ERBB4: variants seen among roughly 807,000 people sequenced by gnomAD.
ERBB4 encodes the protein erb-b2 receptor tyrosine kinase 4.
ERBB4 carries 42 observed loss-of-function variants against 158.0 expected under a neutral mutation model. That is an observed-to-expected ratio of 0.27 (90% CI 0.21 to 0.34). The LOEUF is 0.34. Ranked by LOEUF, ERBB4 falls within the 10% of genes least tolerant of loss-of-function variation. The pLI is 1.00. For missense variants in ERBB4, 1,333 were observed against 1,624.1 expected (o/e 0.82, Z 3.08); for synonymous variants, 583 against 558.7 (o/e 1.04, Z -0.61).
chr2:211,575,493 T>C (rs1216839850), intron 19 of ERBB4, among the ~76,000 whole-genome samples: 1 of 152,212 alleles, frequency 6.6e-6, no homozygotes, highest in East Asian at 1.9e-4. Flanking sequence ...TAGAACAGAC[T>C]TTAGTAAATT....
intron 20 of ERBB4, among the ~76,000 whole-genome samples, chr2:211,560,907 A>C (rs1208538208): frequency 5.9e-5 from 9 of 152,148 alleles, no homozygotes. Flanking sequence ...TTATTACATT[A>C]TTTAAAAAAG....
chr2:212,001,365 A>C (rs1212386199), intron 2 of ERBB4, among the ~76,000 whole-genome samples: 1 of 152,120 alleles, frequency 6.6e-6, no homozygotes, highest in Middle Eastern at 3.2e-3. Context: ...TTCCTAAGTA[A>C]TTAGACTCCT....
intron 2 of ERBB4, among the ~76,000 whole-genome samples, chr2:212,058,445 C>G (rs1167390909): frequency 6.6e-6 from 1 of 152,170 alleles, no homozygotes; most frequent in African/African-American, 2.4e-5. Context: ...TTTTATGAAG[C>G]CAGCATCATC....
intron 13 of ERBB4, among the ~76,000 whole-genome samples, chr2:211,677,521 C>T (rs962338802): frequency 6.7e-6 from 1 of 150,276 alleles, no homozygotes; most frequent in Non-Finnish European, 1.5e-5. Flanking sequence ...TGAGATCAGG[C>T]CATTGCACTC....
At chr2:212,472,261 G>A (rs895444841) in intron 1 of ERBB4, among the ~76,000 whole-genome samples, 2 of 149,624 alleles carry the variant, frequency 1.3e-5, no homozygotes, top group Non-Finnish European at 1.5e-5. Flanking sequence ...ACGCTAAAAT[G>A]CACTGAAACC....
intron 1 of ERBB4, among the ~76,000 whole-genome samples, chr2:212,203,089 G>T (rs1372591346): frequency 6.6e-6 from 1 of 151,942 alleles, no homozygotes; most frequent in Non-Finnish European, 1.5e-5. Context: ...CTCTTTGAGA[G>T]CTTACATTTA....
At chr2:212,419,886 A>T (rs1041343315) in intron 1 of ERBB4, among the ~76,000 whole-genome samples, 1 of 151,920 alleles carries the variant, frequency 6.6e-6, no homozygotes, top group African/African-American at 2.4e-5. Flanking sequence ...GCTCTGGTAG[A>T]TGATATTTTC....
intron 1 of ERBB4, among the ~76,000 whole-genome samples, chr2:212,360,862 A>G (rs2106361673): frequency 6.6e-6 from 1 of 151,816 alleles, no homozygotes; most frequent in South Asian, 2.1e-4. Flanking sequence ...TTGTGAGTTA[A>G]TCAGGATGAA....
At chr2:212,078,284 T>G (rs1000796904) in intron 2 of ERBB4, among the ~76,000 whole-genome samples, 35 of 152,120 alleles carry the variant, frequency 2.3e-4, no homozygotes, top group Admixed American at 3.3e-4. Context: ...AAACTTTTTT[T>G]GGGGTTTCAC....
intron 2 of ERBB4, among the ~76,000 whole-genome samples, chr2:211,953,540 A>G (rs2125154574): frequency 6.6e-6 from 1 of 151,316 alleles, no homozygotes; most frequent in South Asian, 2.1e-4. Flanking sequence ...GTTCTGGCTC[A>G]GTAACAGTTT....
At position 211,494,062 on chromosome 2, in the gene ERBB4, G is replaced by A. The variant is rs918701582; in HGVS notation, c.2488-62962C>T. ...GCGTTGCCCAGGCTGGAGTGCAGCG[G>A]TGCGATCTCGGCTCACTACAACCTC... On this transcript the variant is annotated intron_variant, in intron 20 of 27. Transcript: ENST00000342788. 2.0e-5 allele frequency among the ~76,000 whole-genome samples: 3 copies of A among 152,140 alleles called. No individual in the cohort carries two copies. The East Asian group carries it at 5.8e-4, about 29-fold the overall frequency.
At chr2:212,293,112 A>AAAACTCAAGC in intron 1 of ERBB4, among the ~76,000 whole-genome samples, 1 of 152,186 alleles carries the variant, frequency 6.6e-6, no homozygotes, top group Admixed American at 6.5e-5. Flanking sequence ...TTAAATAAAT[A>AAAACTCAAGC]AAACTCAAGC....
In ERBB4 at chr2:211,476,366, G is replaced by A. The variant is rs541488589; in HGVS notation, c.2488-45266C>T. On this transcript the variant is annotated intron_variant, in intron 20 of 27. Coordinates refer to ENST00000342788, the MANE Select transcript of ERBB4 (RefSeq NM_005235.3). ...TGCAAACTTCCTTTGTGAGACAAAA[G>A]AGAATCACTGGGATATTTTGGGTAG... Among the ~76,000 whole-genome samples, 4 of 152,190 alleles carry A rather than the reference G, an allele frequency of 2.6e-5. No homozygotes were observed. In the East Asian group the frequency reaches 7.7e-4, roughly 29 times the overall value.
intron 2 of ERBB4, among the ~76,000 whole-genome samples, chr2:212,106,015 CT>C (rs2079216348): frequency 6.6e-6 from 1 of 152,132 alleles, no homozygotes; most frequent in African/African-American, 2.4e-5. Flanking sequence ...ACCTCTTTTT[CT>C]TTTTAAATTA....
At chr2:211,429,654 C>A (rs2063708352) in intron 21 of ERBB4, among the ~76,000 whole-genome samples, 1 of 152,132 alleles carries the variant, frequency 6.6e-6, no homozygotes, top group South Asian at 2.1e-4. Context: ...CCTTTGAAAT[C>A]ATGAGGTTGG....
intron 1 of ERBB4, among the ~76,000 whole-genome samples, chr2:212,403,114 G>C (rs1574854263): frequency 6.6e-6 from 1 of 151,976 alleles, no homozygotes; most frequent in East Asian, 1.9e-4. Flanking sequence ...CAGAACATTG[G>C]TGAACTTGGT....
chr2:211,701,613 C>T (rs2073244815), intron 12 of ERBB4, among the ~76,000 whole-genome samples: 1 of 151,894 alleles, frequency 6.6e-6, no homozygotes, highest in Admixed American at 6.6e-5. Flanking sequence ...AAAAAATTAG[C>T]CGGGCGCGGC....
At chr2:212,345,020 G>A (rs2088914612) in intron 1 of ERBB4, among the ~76,000 whole-genome samples, 1 of 152,010 alleles carries the variant, frequency 6.6e-6, no homozygotes, top group African/African-American at 2.4e-5. Flanking sequence ...CCAGCACTTT[G>A]GGAGGCCGAG....
intron 1 of ERBB4, among the ~76,000 whole-genome samples, chr2:212,508,073 C>T (rs1691293586): frequency 6.6e-6 from 1 of 152,146 alleles, no homozygotes; most frequent in Non-Finnish European, 1.5e-5. Context: ...CAAGACCCTC[C>T]CCCAGCAAAA....
Sources: gnomAD v4.1 joint callset for allele counts (sites outside exome capture counted in the v4.1 genomes callset) on GRCh38, gnomAD v4.1.1 for gene constraint, MANE v1.5 for transcripts, NCBI Gene and HGNC (gene_info 2026-07-23, HGNC 2026-07-21) for gene names.